C1GALT1: variants seen among roughly 807,000 people sequenced by gnomAD.
The protein encoded by C1GALT1 is core 1 synthase, glycoprotein-N-acetylgalactosamine 3-beta-galactosyltransferase 1.
In C1GALT1, 11 loss-of-function variants were observed where a neutral mutation model predicts 31.0. The observed-to-expected ratio is 0.36, with a 90% confidence interval of 0.22 to 0.59. The LOEUF is 0.59. Ranked by LOEUF, C1GALT1 falls within the 20% of genes least tolerant of loss-of-function variation. The probability of loss-of-function intolerance (pLI) is 0.79; values close to 1 mark genes in which losing one functional copy is unlikely to be tolerated. For synonymous variants in C1GALT1, 175 were observed against 143.6 expected, an observed-to-expected ratio of 1.22 and a Z score of -1.56; for missense variants, 424 against 425.2, an observed-to-expected ratio of 1.00 and a Z score of 0.03.
chr7:7,208,772 C>G (rs1342068097), intron 1 of C1GALT1, among the ~76,000 whole-genome samples: 1 of 152,178 alleles, frequency 6.6e-6, no homozygotes, highest in Non-Finnish European at 1.5e-5. Flanking sequence ...ACCCTAACTC[C>G]CACAGCTACA....
At position 7,174,966 on chromosome 7, in the gene C1GALT1, G is replaced by A. The variant is rs150251370; in HGVS notation, c.-18+17540G>A. 7.7e-3 allele frequency among the ~76,000 whole-genome samples: 1,168 copies of A among 152,088 alleles called. 8 individuals carry two copies. Among genetic ancestry groups the A allele is most frequent in the Non-Finnish European group, 0.011 (761 of 68,002 alleles). Reference sequence around the variant, plus strand: ...ATTCCAATGTCTGGACTTCCTCAGGGACAGTTTCTATCCATTTATTTTGTT... The same window carrying A: ...ATTCCAATGTCTGGACTTCCTCAGGAACAGTTTCTATCCATTTATTTTGTT... On this transcript the variant is annotated intron_variant, in intron 2 of 3. Transcript: ENST00000429911.
intron 1 of C1GALT1, among the ~76,000 whole-genome samples, chr7:7,193,075 G>A (rs1781142837): frequency 6.6e-6 from 1 of 151,992 alleles, no homozygotes; most frequent in South Asian, 2.1e-4. Context: ...CAGATGCATA[G>A]TTTACCAAGA....
upstream of C1GALT1, among the ~76,000 whole-genome samples, chr7:7,178,984 A>G (rs896340387): frequency 3.9e-5 from 6 of 152,208 alleles, no homozygotes; most frequent in African/African-American, 1.4e-4. Context: ...GATGTTGACC[A>G]TGATGCATGC....
At chr7:7,157,973 T>C (rs967246605) in intron 2 of C1GALT1, among the ~76,000 whole-genome samples, 1 of 152,222 alleles carries the variant, frequency 6.6e-6, no homozygotes, top group Non-Finnish European at 1.5e-5. Context: ...CCTCCTTTAA[T>C]GTTCAGATAA....
intron 2 of C1GALT1, among the ~76,000 whole-genome samples, chr7:7,162,357 C>T (rs968872115): frequency 8.2e-5 from 12 of 146,220 alleles, no homozygotes; most frequent in Admixed American, 3.5e-4. Flanking sequence ...TGAGTGAGAA[C>T]ATGTGGTGTT....
intron 2 of C1GALT1, among the ~76,000 whole-genome samples, chr7:7,171,389 C>T (rs1273007839): frequency 1.3e-5 from 2 of 152,004 alleles, no homozygotes; most frequent in Admixed American, 1.3e-4. Flanking sequence ...CAGATTTTGA[C>T]TTGAAGTTTT....
chr7:7,165,500 A>G (rs559076804), intron 2 of C1GALT1, among the ~76,000 whole-genome samples: 1 of 152,312 alleles, frequency 6.6e-6, no homozygotes, highest in African/African-American at 2.4e-5. Flanking sequence ...TGGGGTGCAG[A>G]TGAGACAGGT....
chr7:7,243,706 A>T lies in C1GALT1; in HGVS notation c.1071A>T (p.Lys357Asn). ...ISQANKNEDT[K>N]VKLGNP ...AAGCAAACAAAAATGAAGATACAAAAGTGAAGTTAGGAAATCCTTGAAAGA... is the reference window on the plus strand; with the variant it reads ...AAGCAAACAAAAATGAAGATACAAATGTGAAGTTAGGAAATCCTTGAAAGA... The change falls in exon 4 of 4, where the codon AAA (lysine) becomes AAT (asparagine). Residue 357 changes from lysine (K) to asparagine (N), a missense_variant. This residue lies in a region of C1GALT1 where 191 missense variants were observed against 188.8 expected (regional missense o/e 1.01). Transcript: ENST00000436587. 1 of 1,605,212 alleles carries T rather than the reference A, an allele frequency of 6.2e-7. No homozygotes were observed. Among genetic ancestry groups the T allele is most frequent in the East Asian group, 2.2e-5 (1 of 44,778 alleles).
At chr7:7,220,511 T>C (rs1006055781) in intron 1 of C1GALT1, among the ~76,000 whole-genome samples, 2 of 150,768 alleles carry the variant, frequency 1.3e-5, no homozygotes, top group African/African-American at 4.8e-5. Flanking sequence ...GTCATGTCTT[T>C]AAAGTATCTT....
At chr7:7,164,202 A>C (rs1317532355) in intron 2 of C1GALT1, among the ~76,000 whole-genome samples, 3 of 152,216 alleles carry the variant, frequency 2.0e-5, no homozygotes, top group Non-Finnish European at 4.4e-5. Context: ...ACCTGAGAAA[A>C]ACAAGCAATG....
At chr7:7,171,815 T>C (rs1158271842) in intron 2 of C1GALT1, among the ~76,000 whole-genome samples, 2 of 152,178 alleles carry the variant, frequency 1.3e-5, no homozygotes, top group Non-Finnish European at 2.9e-5. Flanking sequence ...AGGCAATATA[T>C]TTTGCATTGA....
At chr7:7,217,092 A>G (rs1416331572) in intron 1 of C1GALT1, among the ~76,000 whole-genome samples, 1 of 152,206 alleles carries the variant, frequency 6.6e-6, no homozygotes, top group African/African-American at 2.4e-5. Context: ...AATCCGCTGC[A>G]TACTTACCAG....
intron 1 of C1GALT1, 65 bp from the exon 2 acceptor site, chr7:7,234,238 A>C (rs1388855388): frequency 1.6e-6 from 2 of 1,222,448 alleles, no homozygotes. Flanking sequence ...TGTTACCAGA[A>C]TTTTTACTCC....
intron 1 of C1GALT1, among the ~76,000 whole-genome samples, chr7:7,212,714 A>T (rs185120899): frequency 6.6e-6 from 1 of 152,020 alleles, no homozygotes; most frequent in South Asian, 2.1e-4. Flanking sequence ...TGGGTAAGGG[A>T]TGGATGTTGC....
chr7:7,178,363 T>C (rs905329666), upstream of C1GALT1: 1 of 222,170 alleles, frequency 4.5e-6, no homozygotes, highest in African/African-American at 2.3e-5. Flanking sequence ...CTTTGTGAAA[T>C]AGTATTGCAA....
intron 1 of C1GALT1, among the ~76,000 whole-genome samples, chr7:7,231,750 T>A (rs530804966): frequency 4.1e-4 from 63 of 152,286 alleles, no homozygotes; most frequent in Non-Finnish European, 8.1e-4. Flanking sequence ...CCTGGTTGTT[T>A]TGGACATTGT....
intron 2 of C1GALT1, among the ~76,000 whole-genome samples, chr7:7,236,708 T>C (rs1562596208): frequency 6.6e-6 from 1 of 151,958 alleles, no homozygotes; most frequent in Non-Finnish European, 1.5e-5. Flanking sequence ...TCTTTTTTAG[T>C]AGAGACAGGG....
chr7:7,219,255 C>T (rs1782398242), intron 1 of C1GALT1, among the ~76,000 whole-genome samples: 1 of 152,130 alleles, frequency 6.6e-6, no homozygotes, highest in African/African-American at 2.4e-5. Flanking sequence ...TTCTATGATA[C>T]TATAATGACA....
At chr7:7,207,734 G>A (rs1306616928) in intron 1 of C1GALT1, among the ~76,000 whole-genome samples, 1 of 149,940 alleles carries the variant, frequency 6.7e-6, no homozygotes, top group Non-Finnish European at 1.5e-5. Context: ...TTAATTTAAT[G>A]TGGTAATTCT....
Sources: gnomAD v4.1 joint callset for allele counts (sites outside exome capture counted in the v4.1 genomes callset) on GRCh38, gnomAD v4.1.1 for gene constraint, gnomAD v4.1.1 regional missense constraint, MANE v1.5 for transcripts, NCBI Gene and HGNC (gene_info 2026-07-23, HGNC 2026-07-21) for gene names.